Variants in PTK7 observed in about 807,000 individuals in gnomAD.
PTK7 encodes protein tyrosine kinase 7 (inactive).
Under a neutral mutation model 116.6 loss-of-function variants are expected in PTK7, and 39 were observed. The ratio of observed to expected loss-of-function variants is 0.33; its 90% CI spans 0.26 to 0.44. PTK7 has a LOEUF of 0.44. PTK7 is among the 20% of genes least tolerant of loss of function. PTK7 has a pLI of 1.00. For synonymous variants in PTK7, 546 were observed against 563.6 expected, an observed-to-expected ratio of 0.97 and a Z score of 0.44; for missense variants, 1,169 against 1,425.6, an observed-to-expected ratio of 0.82 and a Z score of 2.90.
chr6:43,153,228 A>G (rs972739154), intron 17 of PTK7, among the ~76,000 whole-genome samples: 2 of 151,232 alleles, frequency 1.3e-5, no homozygotes, highest in African/African-American at 4.9e-5. Context: ...ATCCTGCCTC[A>G]GCCTCCCGAG....
At chr6:43,096,522 A>C (rs1349838499) in intron 1 of PTK7, among the ~76,000 whole-genome samples, 1 of 152,194 alleles carries the variant, frequency 6.6e-6, no homozygotes, top group African/African-American at 2.4e-5. Flanking sequence ...TCCTTAGATC[A>C]AATAAATACC....
intron 3 of PTK7, 60 bp from the exon 4 acceptor site, chr6:43,130,170 T>G (rs1031848904): frequency 1.4e-5 from 20 of 1,471,044 alleles, no homozygotes; most frequent in Non-Finnish European, 1.7e-5. Context: ...TGATACTGTA[T>G]CCTCTCCACT....
intron 1 of PTK7, among the ~76,000 whole-genome samples, chr6:43,103,642 C>T (rs186267940): frequency 1.5e-3 from 230 of 152,282 alleles, no homozygotes; most frequent in African/African-American, 5.2e-3. Context: ...TCAGTTACAT[C>T]CCCCTTTACC....
At chr6:43,111,495 T>C (rs1197285429) in intron 1 of PTK7, among the ~76,000 whole-genome samples, 2 of 152,140 alleles carry the variant, frequency 1.3e-5, no homozygotes, top group Non-Finnish European at 2.9e-5. Flanking sequence ...GTGCAGGTTC[T>C]AAAAAATGAA....
At position 43,129,235 on chromosome 6, in the gene PTK7, G is replaced by A. The variant is rs757907657; in HGVS notation, c.338G>A (p.Arg113His). The part of the protein sequence containing the change: ...ARDDVTGEEA[R>H]SANASFNIKW... ...GATGATGTCACTGGAGAAGAAGCCC[G>A]CAGTGCCAACGCCTCCTTCAACATC... The change falls in exon 2 of 20, where the codon CGC becomes CAC. Residue 113 changes from arginine (R) to histidine (H), a missense_variant. Physicochemically the swap from Arg to His is conservative, Grantham distance 29 (BLOSUM62 0). Around this residue, in one of 3 missense-constraint regions of PTK7, gnomAD observed 487 missense variants for 549.8 expected, o/e 0.89. Coordinates refer to ENST00000230419, the MANE Select transcript of PTK7 (RefSeq NM_002821.5). The surrounding 1 kb of genome is among the most constrained non-coding windows in gnomAD (Gnocchi z 4.5). The A allele has an allele frequency of 1.5e-5, 24 of 1,613,972 alleles. No individual in the cohort carries two copies. The highest frequency in any genetic ancestry group is 1.3e-4 in the East Asian group (6 of 44,880).
intron 1 of PTK7, among the ~76,000 whole-genome samples, chr6:43,103,745 G>T (rs1767710788): frequency 6.6e-6 from 1 of 152,184 alleles, no homozygotes; most frequent in Admixed American, 6.5e-5. Flanking sequence ...CTGGGGGCAT[G>T]ACTCTTCCCT....
chr6:43,150,786 G>GTTTTTTT (rs1771016233), intron 17 of PTK7, among the ~76,000 whole-genome samples: 4 of 85,574 alleles, frequency 4.7e-5, no homozygotes, highest in Admixed American at 1.4e-4. Flanking sequence ...TGTAGACTCA[G>GTTTTTTT]CTTTTTTTTT....
intron 1 of PTK7, among the ~76,000 whole-genome samples, chr6:43,128,041 C>T (rs1004626700): frequency 1.3e-5 from 2 of 152,098 alleles, no homozygotes; most frequent in Admixed American, 6.5e-5. Flanking sequence ...TTCAAAGAAG[C>T]GTCTGGGAAA....
At chr6:43,155,037 C>T (rs545921470) in intron 17 of PTK7, among the ~76,000 whole-genome samples, 1 of 152,370 alleles carries the variant, frequency 6.6e-6, no homozygotes, top group Admixed American at 6.5e-5. Context: ...ACAGCAGGTG[C>T]TCACCAAATG....
chr6:43,137,048 T>G (rs1193646944), intron 7 of PTK7, among the ~76,000 whole-genome samples: 2 of 152,110 alleles, frequency 1.3e-5, no homozygotes, highest in Non-Finnish European at 2.9e-5. Context: ...TGGGAAAGTG[T>G]CAACATCACA....
At chr6:43,101,473 A>G (rs1376286327) in intron 1 of PTK7, among the ~76,000 whole-genome samples, 1 of 150,890 alleles carries the variant, frequency 6.6e-6, no homozygotes, top group Non-Finnish European at 1.5e-5. Flanking sequence ...AATGGCATGA[A>G]CCCGGGAGGC....
Position 43,076,623 on chromosome 6 carries a change from C to G in PTK7, c.79+56C>G. On this transcript the variant is annotated intron_variant, in intron 1 of 19. Coordinates refer to ENST00000230419, the MANE Select transcript of PTK7 (RefSeq NM_002821.5). The surrounding 1 kb of genome is among the most constrained non-coding windows in gnomAD (Gnocchi z 5.7). ...TTGGGAAGCGCGGGAGTCCCGTGGGCAAAAGGCTGCGCCCGGGGCGGTGGG... is the reference window on the plus strand; with the variant it reads ...TTGGGAAGCGCGGGAGTCCCGTGGGGAAAAGGCTGCGCCCGGGGCGGTGGG... The G allele has an allele frequency of 6.6e-7, 1 of 1,516,434 alleles. No homozygotes were observed. The highest frequency in any genetic ancestry group is 8.8e-7 in the Non-Finnish European group (1 of 1,131,946). The allele number at this position is 1,516,434 out of a possible 1,614,324, so 93.9% of individuals were successfully genotyped here.
chr6:43,129,782 G>A lies in PTK7; in HGVS notation c.423G>A (p.Gln141=). Residue 141 remains glutamine (Q), a synonymous_variant, in exon 3 of 20, where the codon CAG becomes CAA. Transcript: ENST00000230419. This position sits in a 1 kb window ranked among gnomAD's most constrained non-coding sequence, Gnocchi z 4.5. ...LKHPASEAEI[Q]PQTQVTLRCH... ...ATCCAGCCTCGGAAGCTGAGATCCAGCCACAGACCCAGGTCACACTTCGTT... is the reference window on the plus strand; with the variant it reads ...ATCCAGCCTCGGAAGCTGAGATCCAACCACAGACCCAGGTCACACTTCGTT... 16 of 1,614,200 alleles carry A rather than the reference G, an allele frequency of 9.9e-6. No individual in the cohort carries two copies. The highest frequency in any genetic ancestry group is 1.4e-5 in the Non-Finnish European group (16 of 1,180,038).
chr6:43,143,252 G>A lies in PTK7; in HGVS notation c.2048-165G>A. ...CCTTCAGAGTCTTCGTTTGACCTTG[G>A]TGGGGCATGAGGACCTGCTGGCCCT... is the stretch of plus-strand genomic sequence containing the variant. On this transcript the variant is annotated intron_variant, in intron 13 of 19. Coordinates refer to ENST00000230419, the MANE Select transcript of PTK7 (RefSeq NM_002821.5). This position sits in a 1 kb window ranked among gnomAD's most constrained non-coding sequence, Gnocchi z 4.2. The A allele has an allele frequency of 1.6e-6, 1 of 641,904 alleles. No individual in the cohort carries two copies. The highest frequency in any genetic ancestry group is 2.7e-6 in the Non-Finnish European group (1 of 374,304). 39.8% of individuals were successfully genotyped at this position (641,904 alleles called of 1,614,324 possible).
intron 1 of PTK7, among the ~76,000 whole-genome samples, chr6:43,082,179 T>G (rs765312003): frequency 1.8e-4 from 27 of 152,048 alleles, no homozygotes; most frequent in Non-Finnish European, 4.0e-4. Flanking sequence ...TGCAATTTAT[T>G]TATTTATTCT....
chr6:43,156,939 A>G (rs910639250), intron 17 of PTK7, among the ~76,000 whole-genome samples: 151 of 144,996 alleles, frequency 1.0e-3, no homozygotes, highest in African/African-American at 4.2e-3. Flanking sequence ...ATGTTGTGAA[A>G]AAAAAAAAAA....
chr6:43,103,870 A>G (rs1158389440), intron 1 of PTK7, among the ~76,000 whole-genome samples: 3 of 152,168 alleles, frequency 2.0e-5, no homozygotes, highest in Non-Finnish European at 4.4e-5. Context: ...TTTTCCCTAG[A>G]AGGCTCTCAA....
Position 43,122,903 on chromosome 6 carries a change from G to A in PTK7, c.80-6074G>A, listed in dbSNP as rs553055767. Among the ~76,000 whole-genome samples, 4 of 152,140 alleles carry A rather than the reference G, an allele frequency of 2.6e-5. No homozygotes were observed. In the South Asian group the frequency reaches 8.3e-4, roughly 32 times the overall value. On this transcript the variant is annotated intron_variant, in intron 1 of 19. Coordinates refer to ENST00000230419, the MANE Select transcript of PTK7 (RefSeq NM_002821.5). ...ATTACAGGCATGAGCCACCGCACCC[G>A]GCCAAAGGACTGAGTCTTTAGTGTG...
At chr6:43,160,596 C>T (rs1408916816) in intron 19 of PTK7, 125 bp from the exon 20 acceptor site, 11 of 1,253,788 alleles carry the variant, frequency 8.8e-6, no homozygotes, top group Non-Finnish European at 1.0e-5. Context: ...TACCCACCTG[C>T]CGCTGGCCAG....
Sources: gnomAD v4.1 joint callset for allele counts (sites outside exome capture counted in the v4.1 genomes callset) on GRCh38, gnomAD v4.1.1 for gene constraint, gnomAD v4.1.1 regional missense constraint, Gnocchi (gnomAD v3.1) non-coding constraint, MANE v1.5 for transcripts, NCBI Gene and HGNC (gene_info 2026-07-23, HGNC 2026-07-21) for gene names.